PELI2: variants seen among roughly 807,000 people sequenced by gnomAD.
The protein encoded by PELI2 is E3 ubiquitin-protein ligase pellino homolog 2.
In PELI2, 23 loss-of-function variants were observed where a neutral mutation model predicts 42.3. The observed-to-expected ratio is 0.54, with a 90% CI of 0.39 to 0.77. The LOEUF (loss-of-function observed/expected upper bound fraction) is 0.77. Ranked by LOEUF, PELI2 falls within the 30% of genes least tolerant of loss-of-function variation. PELI2 has a pLI of 0.00. For missense variants in PELI2, 463 were observed against 553.2 expected, an observed-to-expected ratio of 0.84 and a Z score of 1.64; for synonymous variants, 245 against 212.2, an observed-to-expected ratio of 1.15 and a Z score of -1.34.
chr14:56,178,453 C>A lies in PELI2; in HGVS notation c.196C>A (p.Gln66Lys). 1 of 1,614,164 alleles carries A rather than the reference C, an allele frequency of 6.2e-7. No homozygotes were observed. Among genetic ancestry groups the A allele is most frequent in the Non-Finnish European group, 8.5e-7 (1 of 1,179,992 alleles). ...PSTVHVISTP[Q>K]ASKAISCKGQ... ...CACCGTCCATGTGATATCCACGCCC[C>A]AGGCATCCAAGGTAGGTGGGTCTGT... The change falls in exon 2 of 6, where the codon CAG becomes AAG. Residue 66 changes from glutamine (Q) to lysine (K), a missense_variant. Around this residue, in one of 3 missense-constraint regions of PELI2, gnomAD observed 343 missense variants for 378.4 expected, o/e 0.91. Coordinates refer to ENST00000267460, the MANE Select transcript of PELI2 (RefSeq NM_021255.3).
At chr14:56,186,858 G>A (rs936792302) in intron 2 of PELI2, among the ~76,000 whole-genome samples, 1 of 152,150 alleles carries the variant, frequency 6.6e-6, no homozygotes. Context: ...TAACATGTCA[G>A]TGCGGAAAGA....
intron 3 of PELI2, among the ~76,000 whole-genome samples, chr14:56,285,763 GGAGGA>G (rs1286377952): frequency 6.6e-6 from 1 of 152,136 alleles, no homozygotes; most frequent in Non-Finnish European, 1.5e-5. Flanking sequence ...GTGAGGAAGT[GGAGGA>G]GATAACAGGT....
intron 2 of PELI2, among the ~76,000 whole-genome samples, chr14:56,244,023 C>A (rs1304109900): frequency 1.3e-5 from 2 of 152,140 alleles, no homozygotes; most frequent in Non-Finnish European, 2.9e-5. Flanking sequence ...GCTTTTGAGT[C>A]ATTTTCAGAC....
chr14:56,140,348 A>C (rs1255133599), intron 1 of PELI2, among the ~76,000 whole-genome samples: 3 of 152,238 alleles, frequency 2.0e-5, no homozygotes, highest in South Asian at 2.1e-4. Context: ...CTTTAAATGA[A>C]AGCCATTTGA....
At chr14:56,212,516 C>T (rs1045627523) in intron 2 of PELI2, among the ~76,000 whole-genome samples, 1 of 152,174 alleles carries the variant, frequency 6.6e-6, no homozygotes, top group Non-Finnish European at 1.5e-5. Context: ...ATGGCCTGAC[C>T]TGGCCCAGCT....
chr14:56,138,081 GCCTTA>G (rs1883749486), intron 1 of PELI2, among the ~76,000 whole-genome samples: 1 of 152,196 alleles, frequency 6.6e-6, no homozygotes, highest in Non-Finnish European at 1.5e-5. Flanking sequence ...CAGGCTGCAT[GCCTTA>G]CCTCTCCCCA....
intron 2 of PELI2, among the ~76,000 whole-genome samples, chr14:56,277,273 G>A (rs1889327020): frequency 6.6e-6 from 1 of 152,070 alleles, no homozygotes; most frequent in African/African-American, 2.4e-5. Flanking sequence ...TGCATTACGG[G>A]TTGAACTCCG....
chr14:56,235,085 T>TGTC (rs1397154736), intron 2 of PELI2, among the ~76,000 whole-genome samples: 2 of 152,172 alleles, frequency 1.3e-5, no homozygotes, highest in Non-Finnish European at 2.9e-5. Flanking sequence ...AGGAAAAAAC[T>TGTC]GTCATCTCTA....
chr14:56,140,592 C>G (rs1883870450), intron 1 of PELI2, among the ~76,000 whole-genome samples: 1 of 152,200 alleles, frequency 6.6e-6, no homozygotes, highest in Non-Finnish European at 1.5e-5. Flanking sequence ...AGATGCCATA[C>G]AATCCTCAGT....
At chr14:56,144,133 T>C (rs1884020686) in intron 1 of PELI2, among the ~76,000 whole-genome samples, 1 of 152,254 alleles carries the variant, frequency 6.6e-6, no homozygotes. Flanking sequence ...AGCCTTCTCT[T>C]TTCCCTTACT....
At chr14:56,189,465 G>T (rs551526637) in intron 2 of PELI2, among the ~76,000 whole-genome samples, 1 of 152,178 alleles carries the variant, frequency 6.6e-6, no homozygotes, top group African/African-American at 2.4e-5. Flanking sequence ...AACTTTCATG[G>T]CTCTCTGCCT....
intron 1 of PELI2, among the ~76,000 whole-genome samples, chr14:56,130,702 C>A (rs1390745248): frequency 6.6e-6 from 1 of 151,708 alleles, no homozygotes; most frequent in African/African-American, 2.4e-5. Flanking sequence ...CCCTATTTAC[C>A]TGAATATATT....
intron 2 of PELI2, among the ~76,000 whole-genome samples, chr14:56,232,076 G>A (rs1887596846): frequency 6.6e-6 from 1 of 152,106 alleles, no homozygotes; most frequent in Admixed American, 6.5e-5. Flanking sequence ...TTGAACCCCT[G>A]GATAGACAAA....
intron 2 of PELI2, among the ~76,000 whole-genome samples, chr14:56,200,504 C>T (rs1342222963): frequency 6.6e-6 from 1 of 152,170 alleles, no homozygotes; most frequent in Non-Finnish European, 1.5e-5. Context: ...CTACTGCCTT[C>T]GTTACCCTAT....
At chr14:56,214,921 C>A (rs1348172239) in intron 2 of PELI2, among the ~76,000 whole-genome samples, 2 of 152,128 alleles carry the variant, frequency 1.3e-5, no homozygotes, top group African/African-American at 4.8e-5. Context: ...AGGAGCATTG[C>A]GGACCAGCAG....
At chr14:56,269,418 A>G (rs568917288) in intron 2 of PELI2, among the ~76,000 whole-genome samples, 1 of 151,516 alleles carries the variant, frequency 6.6e-6, no homozygotes, top group Non-Finnish European at 1.5e-5. Flanking sequence ...ACTCCAGCCA[A>G]GGTGACAGAG....
chr14:56,132,456 A>G (rs1883524516), intron 1 of PELI2, among the ~76,000 whole-genome samples: 1 of 152,188 alleles, frequency 6.6e-6, no homozygotes, highest in Non-Finnish European at 1.5e-5. Context: ...AATGCTGGAG[A>G]GTTCCCTGTG....
At chr14:56,199,971 T>C (rs1429318446) in intron 2 of PELI2, among the ~76,000 whole-genome samples, 1 of 152,226 alleles carries the variant, frequency 6.6e-6, no homozygotes, top group Non-Finnish European at 1.5e-5. Context: ...CTAGGTGTAT[T>C]CACCTGGTAG....
At chr14:56,185,430 A>T (rs1005221537) in intron 2 of PELI2, among the ~76,000 whole-genome samples, 1 of 152,160 alleles carries the variant, frequency 6.6e-6, no homozygotes, top group Non-Finnish European at 1.5e-5. Context: ...TTTCTTTCAA[A>T]CCACCTAAGT....
Sources: gnomAD v4.1 joint callset for allele counts (sites outside exome capture counted in the v4.1 genomes callset) on GRCh38, gnomAD v4.1.1 for gene constraint, gnomAD v4.1.1 regional missense constraint, MANE v1.5 for transcripts, NCBI Gene and HGNC (gene_info 2026-07-23, HGNC 2026-07-21) for gene names.